The following FAM217B variants were observed in gnomAD, a reference collection of about 807,000 sequenced individuals.
FAM217B encodes the protein family with sequence similarity 217 member B.
For missense variants in FAM217B, 463 were observed against 456.9 expected (o/e 1.01, Z -0.12); for synonymous variants, 163 against 173.0 (o/e 0.94, Z 0.45).
chr20:59,936,827 A>C (rs2060865532), upstream of FAM217B: 1 of 152,316 alleles, frequency 6.6e-6, no homozygotes, highest in African/African-American at 2.4e-5. Flanking sequence ...AGAATGGCTC[A>C]CAACTGTTTT....
At position 59,947,053 on chromosome 20, in the gene FAM217B, C is replaced by A. The variant is rs1488291337; in HGVS notation, c.*1958C>A. Reference sequence around the variant, plus strand: ...ACATATGTGTATATGTATATATACTCCTTATGTTAATACTAAAGTGTTTAT... The same window carrying A: ...ACATATGTGTATATGTATATATACTACTTATGTTAATACTAAAGTGTTTAT... On this transcript the variant is annotated 3_prime_UTR_variant, in exon 4 of 4. Coordinates refer to ENST00000360816, the MANE Select transcript of FAM217B (RefSeq NM_022106.3). 1 of 167,008 alleles carries A rather than the reference C, an allele frequency of 6.0e-6. No individual in the cohort carries two copies. Among genetic ancestry groups the A allele is most frequent in the Non-Finnish European group, 1.5e-5 (1 of 68,130 alleles). The allele number at this position is 167,008 out of a possible 1,614,324, so 10.3% of individuals were successfully genotyped here. A position where few individuals can be genotyped will look rare whatever the true frequency, so the allele number is the denominator to read the frequency against.
At position 59,944,777 on chromosome 20, in the gene FAM217B, G is replaced by C; in HGVS notation, c.834G>C (p.Arg278Ser). 1 of 1,614,172 alleles carries C rather than the reference G, an allele frequency of 6.2e-7. No individual in the cohort carries two copies. Among genetic ancestry groups the C allele is most frequent in the Non-Finnish European group, 8.5e-7 (1 of 1,180,038 alleles). The change falls in exon 4 of 4, where the codon AGG becomes AGC. Residue 278 changes from arginine (R) to serine (S), a missense_variant. Physicochemically the swap from Arg to Ser is moderately radical, Grantham distance 110. Transcript: ENST00000360816. ...CCATTGATGTGCTTGGTGGTACCAG[G>C]TTTTGTTCTCAGAGGCAAACCCTTG... ...PRPIDVLGGT[R>S]FCSQRQTLEM...
Position 59,944,041 on chromosome 20 carries a change from C to T in FAM217B, c.98C>T (p.Pro33Leu), listed in dbSNP as rs371964177. ...KSQVPHASSQ[P>L]RSSLTAVTQP... Reference sequence around the variant, plus strand: ...CAAGTACCCCACGCTTCTTCCCAGCCGAGAAGCAGCCTCACAGCTGTCACC... The same window carrying T: ...CAAGTACCCCACGCTTCTTCCCAGCTGAGAAGCAGCCTCACAGCTGTCACC... The change falls in exon 4 of 4, where the codon CCG (proline) becomes CTG (leucine). Residue 33 changes from proline to leucine, a missense_variant. Coordinates refer to ENST00000360816, the MANE Select transcript of FAM217B (RefSeq NM_022106.3). 5.6e-5 allele frequency: 90 copies of T among 1,613,928 alleles called. No individual in the cohort carries two copies. Among genetic ancestry groups the T allele is most frequent in the Middle Eastern group, 3.3e-4 (2 of 6,084 alleles).
At position 59,948,037 on chromosome 20, in the gene FAM217B, TAAAAAAAAAAAGA is replaced by T. The variant is rs2060947333; in HGVS notation, c.*2947_*2959del. ...CCAATTAAAACAATCCAAGTTTCTT[TAAAAAAAAAAAGA>T]AAAAGAAAAAGAAAAAGAAAAATAT... On this transcript the variant is annotated 3_prime_UTR_variant, in exon 4 of 4. Coordinates refer to ENST00000360816, the MANE Select transcript of FAM217B (RefSeq NM_022106.3). 1 of 145,510 alleles carries T rather than the reference TAAAAAAAAAAAGA, an allele frequency of 6.9e-6. No homozygotes were observed. The allele number at this position is 145,510 out of a possible 1,614,324, so 9.0% of individuals were successfully genotyped here.
upstream of FAM217B, chr20:59,939,209 T>G (rs765015344): frequency 4.3e-6 from 7 of 1,610,322 alleles, no homozygotes; most frequent in African/African-American, 6.7e-5. Context: ...AGGGCGGTAC[T>G]GGAAAGCCGA....
In FAM217B at chr20:59,948,108, T is replaced by G. The variant is rs543808010; in HGVS notation, c.*3013T>G. ...TTAGAATTATCTAATGGAAAAAATG[T>G]AAAAAAGTACAAAAATGAACTAAAA... On this transcript the variant is annotated 3_prime_UTR_variant, in exon 4 of 4. Coordinates refer to ENST00000360816, the MANE Select transcript of FAM217B (RefSeq NM_022106.3). 3 of 164,998 alleles carry G rather than the reference T, an allele frequency of 1.8e-5. No individual in the cohort carries two copies. Among genetic ancestry groups the G allele is most frequent in the African/African-American group, 7.3e-5 (3 of 41,316 alleles). 10.2% of individuals were successfully genotyped at this position (164,998 alleles called of 1,614,324 possible).
chr20:59,942,754 T>C (rs2060912351), intron 3 of FAM217B, among the ~76,000 whole-genome samples: 1 of 152,184 alleles, frequency 6.6e-6, no homozygotes, highest in Non-Finnish European at 1.5e-5. Flanking sequence ...TTTAATCACT[T>C]TTCTATGTTA....
chr20:59,934,269 G>A lies in FAM217B; in HGVS notation c.-326+416G>A, dbSNP rs190989185. On this transcript the variant is annotated intron_variant, in intron 1 of 4. Transcript: ENST00000358293. ...GGGGTGCTGAGCTGGGTACCCAACT[G>A]TGTATTCCTAGGCTCTTTCAGACGC... 2.3e-4 allele frequency among the ~76,000 whole-genome samples: 35 copies of A among 152,306 alleles called. 1 individual carries two copies. In the East Asian group the frequency reaches 6.4e-3, roughly 28 times the overall value.
At chr20:59,937,903 G>C (rs563477583), upstream of FAM217B, 3 of 152,282 alleles carry the variant, frequency 2.0e-5, no homozygotes, top group South Asian at 6.2e-4. Flanking sequence ...GTATAAAGTT[G>C]GTGGGTACCT....
rs1414595546 is a variant in FAM217B, at chr20:59,948,375, T to C, written c.*3280T>C. On this transcript the variant is annotated 3_prime_UTR_variant, in exon 4 of 4. Transcript: ENST00000360816. ...TGCTTTTCAGAAGGACATAAGACTT[T>C]CTACTTTATCTGATATGGATATCGT... The C allele has an allele frequency of 6.0e-6, 1 of 167,096 alleles. No homozygotes were observed. 10.4% of individuals were successfully genotyped at this position (167,096 alleles called of 1,614,324 possible).
At chr20:59,937,194 T>C (rs1331503535), upstream of FAM217B, 1 of 152,682 alleles carries the variant, frequency 6.5e-6, no homozygotes, top group Non-Finnish European at 1.5e-5. Context: ...CTGGCAGCTC[T>C]TAACTCATAT....
At chr20:59,938,970 A>T (rs902008790), upstream of FAM217B, 1 of 1,420,072 alleles carries the variant, frequency 7.0e-7, no homozygotes, top group African/African-American at 1.4e-5. Flanking sequence ...AGAGCCCAGC[A>T]GGGAAATGAC....
chr20:59,944,974 C>CA lies in FAM217B; in HGVS notation c.1032dup (p.Gln345ThrfsTer7). On this transcript the variant is annotated frameshift_variant, in exon 4 of 4. Coordinates refer to ENST00000360816, the MANE Select transcript of FAM217B (RefSeq NM_022106.3). LOFTEE classifies it low-confidence loss of function (END_TRUNC). ...GCAGATTCCTGTAAGGCCTCCAAAA[C>CA]ACAAGCACATGCACATCCTAGGAAA... is the stretch of plus-strand genomic sequence containing the variant. 6.2e-7 allele frequency: 1 copy of CA among 1,614,178 alleles called. No individual in the cohort carries two copies. Among genetic ancestry groups the CA allele is most frequent in the South Asian group, 1.1e-5 (1 of 91,082 alleles).
At chr20:59,939,452 C>T (rs750924836), upstream of FAM217B, 3 of 1,611,702 alleles carry the variant, frequency 1.9e-6, no homozygotes, top group African/African-American at 1.3e-5. Context: ...CGACGGGCGG[C>T]GGGAAATCGG....
chr20:59,944,204 G>T lies in FAM217B; in HGVS notation c.261G>T (p.Glu87Asp). ...TTCAGTCAATGAAAATTATTAAAGA[G>T]AATGCTGATGAGGACAGTGCAAGTG... ...LDFQSMKIIK[E>D]NADEDSASDL... Residue 87 changes from glutamate to aspartate, a missense_variant, in exon 4 of 4, where the codon GAG becomes GAT. Coordinates refer to ENST00000360816, the MANE Select transcript of FAM217B (RefSeq NM_022106.3). 1 of 1,614,184 alleles carries T rather than the reference G, an allele frequency of 6.2e-7. No individual in the cohort carries two copies. Among genetic ancestry groups the T allele is most frequent in the Admixed American group, 1.7e-5 (1 of 60,026 alleles).
At position 59,945,010 on chromosome 20, in the gene FAM217B, C is replaced by G. The variant is rs777528619; in HGVS notation, c.1067C>G (p.Ala356Gly). Residue 356 changes from alanine to glycine, a missense_variant, in exon 4 of 4, where the codon GCA (alanine) becomes GGA (glycine). Transcript: ENST00000360816. ...GCACATCCTAGGAAAAAGGGAAAGGCAGAGAGCTGTGGTCATGCCACTGTA... is the reference window on the plus strand; with the variant it reads ...GCACATCCTAGGAAAAAGGGAAAGGGAGAGAGCTGTGGTCATGCCACTGTA... ...AHAHPRKKGKAESCGHATVSS... is the reference protein window; with the variant it reads ...AHAHPRKKGKGESCGHATVSS... 1.2e-6 allele frequency: 2 copies of G among 1,614,132 alleles called. No individual in the cohort carries two copies. The highest frequency in any genetic ancestry group is 1.7e-6 in the Non-Finnish European group (2 of 1,180,014).
chr20:59,941,608 T>C (rs1446207822), intron 1 of FAM217B, among the ~76,000 whole-genome samples: 1 of 152,198 alleles, frequency 6.6e-6, no homozygotes, highest in Non-Finnish European at 1.5e-5. Context: ...CAACAATGCT[T>C]CATAAAGAGA....
At chr20:59,936,586 A>G (rs1047787894), upstream of FAM217B, 2 of 152,232 alleles carry the variant, frequency 1.3e-5, no homozygotes, top group Admixed American at 6.5e-5. Context: ...AGCTTTCTTC[A>G]TACCTCATGC....
chr20:59,940,645 C>G (rs1439451389), intron 1 of FAM217B, 110 bp downstream of exon 1: 2 of 152,412 alleles, frequency 1.3e-5, no homozygotes, highest in African/African-American at 2.4e-5. Context: ...CCTTAGATTT[C>G]TGGGTTGTGG....
Sources: allele counts gnomAD v4.1 joint callset (sites outside exome capture counted in the v4.1 genomes callset), GRCh38; gene constraint gnomAD v4.1.1; transcripts MANE v1.5; gene names NCBI Gene and HGNC (gene_info 2026-07-23, HGNC 2026-07-21).